The following AKAP13 variants were observed in gnomAD, a reference collection of about 807,000 sequenced individuals.
The protein encoded by AKAP13 is A-kinase anchor protein 13.
In AKAP13, 80 loss-of-function variants were observed where a neutral mutation model predicts 264.5. The observed-to-expected ratio is 0.30, with a 90% CI of 0.25 to 0.36. The LOEUF (loss-of-function observed/expected upper bound fraction) is 0.36, where lower values mean the gene tolerates loss of function less well. AKAP13 is among the 10% of genes least tolerant of loss of function. AKAP13 has a pLI of 1.00. For synonymous variants in AKAP13, 1,380 were observed against 1,250.2 expected (o/e 1.10, Z -2.19); for missense variants, 3,712 against 3,435.2 (o/e 1.08, Z -2.01).
At chr15:85,490,445 T>C (rs2075690111) in intron 2 of AKAP13, among the ~76,000 whole-genome samples, 2 of 152,208 alleles carry the variant, frequency 1.3e-5, no homozygotes, top group African/African-American at 4.8e-5. Context: ...GGTTTTGAAG[T>C]GAAATCGTTT....
intron 14 of AKAP13, chr15:85,670,857 A>G (rs940029008): frequency 1.3e-5 from 2 of 152,192 alleles, no homozygotes; most frequent in African/African-American, 4.8e-5. Flanking sequence ...TAGAGATGTC[A>G]TGGCATCCAT....
intron 8 of AKAP13, among the ~76,000 whole-genome samples, chr15:85,613,694 AT>A (rs1334539609): frequency 2.7e-4 from 26 of 97,870 alleles, no homozygotes; most frequent in East Asian, 2.6e-3. Flanking sequence ...AAAAAAAAAT[AT>A]ATATATATAT....
intron 1 of AKAP13, among the ~76,000 whole-genome samples, chr15:85,392,063 G>A (rs1485486245): frequency 6.6e-6 from 1 of 151,252 alleles, no homozygotes; most frequent in African/African-American, 2.4e-5. Flanking sequence ...GATTACAGGC[G>A]TGAGTCACCA....
At chr15:85,606,270 T>C (rs904420953) in intron 8 of AKAP13, among the ~76,000 whole-genome samples, 2 of 151,748 alleles carry the variant, frequency 1.3e-5, no homozygotes, top group African/African-American at 4.8e-5. Flanking sequence ...CCCAGCTGAT[T>C]TTTGTATTTT....
chr15:85,442,550 ATTTATT>A (rs2073745571), intron 1 of AKAP13, among the ~76,000 whole-genome samples: 1 of 129,802 alleles, frequency 7.7e-6, no homozygotes, highest in African/African-American at 3.0e-5. Flanking sequence ...TTATATATAT[ATTTATT>A]TCTAGCATGA....
At chr15:85,491,952 C>T (rs1237343559) in intron 2 of AKAP13, among the ~76,000 whole-genome samples, 3 of 152,186 alleles carry the variant, frequency 2.0e-5, no homozygotes, top group East Asian at 3.8e-4. Flanking sequence ...TTTCGTCATA[C>T]ATAAGGAAAC....
intron 1 of AKAP13, among the ~76,000 whole-genome samples, chr15:85,389,546 G>A (rs1422714344): frequency 6.6e-6 from 1 of 152,240 alleles, no homozygotes; most frequent in Admixed American, 6.5e-5. Flanking sequence ...GTTAGCAGCT[G>A]AAGTCCTTTG....
At chr15:85,726,588 A>T in intron 27 of AKAP13, 102 bp downstream of exon 27, 1 of 988,830 alleles carries the variant, frequency 1.0e-6, no homozygotes, top group South Asian at 1.6e-5. Context: ...TTAAAATTAA[A>T]TGGCTCAGGA....
At chr15:85,734,947 C>T (rs2088331333) in intron 30 of AKAP13, 45 bp from the exon 31 acceptor site, 2 of 1,597,962 alleles carry the variant, frequency 1.3e-6, no homozygotes, top group East Asian at 2.2e-5. Flanking sequence ...GTTTTCCCCT[C>T]ATTGAAAGAT....
At chr15:85,655,053 G>A (rs1335146369) in intron 10 of AKAP13, among the ~76,000 whole-genome samples, 3 of 152,028 alleles carry the variant, frequency 2.0e-5, no homozygotes, top group Non-Finnish European at 2.9e-5. Flanking sequence ...TTAGCCAGGC[G>A]TAGTGGTGCA....
At chr15:85,440,480 C>CA (rs1199028717) in intron 1 of AKAP13, among the ~76,000 whole-genome samples, 2 of 152,122 alleles carry the variant, frequency 1.3e-5, no homozygotes, top group Non-Finnish European at 1.5e-5. Context: ...AGAGCTGATG[C>CA]AAAATCTTAA....
Position 85,579,628 on chromosome 15 carries a change from C to G in AKAP13, c.1560C>G (p.Asp520Glu). Residue 520 changes from aspartate (D) to glutamate (E), a missense_variant, in exon 7 of 37, where the codon GAC becomes GAG. Around this residue, in one of 3 missense-constraint regions of AKAP13, gnomAD observed 2,759 missense variants for 2,411.7 expected, o/e 1.14. Transcript: ENST00000394518. Reference sequence around the variant, plus strand: ...ATATTGGCACAGCTGGAGCCTCTGACGTGCACGTCACAAGTAAGCCTGTGG... The same window carrying G: ...ATATTGGCACAGCTGGAGCCTCTGAGGTGCACGTCACAAGTAAGCCTGTGG... ...NSNIGTAGAS[D>E]VHVTSKPVDK... 1 of 1,614,182 alleles carries G rather than the reference C, an allele frequency of 6.2e-7. No individual in the cohort carries two copies. The highest frequency in any genetic ancestry group is 8.5e-7 in the Non-Finnish European group (1 of 1,180,034).
At chr15:85,562,939 C>T (rs1420625060) in intron 5 of AKAP13, among the ~76,000 whole-genome samples, 1 of 150,600 alleles carries the variant, frequency 6.6e-6, no homozygotes, top group Non-Finnish European at 1.5e-5. Flanking sequence ...GTCTCAAACT[C>T]CTGACCTCAG....
At chr15:85,558,407 A>T (rs1321628462) in intron 5 of AKAP13, among the ~76,000 whole-genome samples, 1 of 152,222 alleles carries the variant, frequency 6.6e-6, no homozygotes, top group Non-Finnish European at 1.5e-5. Context: ...GCTATATAAA[A>T]ATACGCAAGG....
intron 16 of AKAP13, among the ~76,000 whole-genome samples, chr15:85,690,668 G>C (rs1310296366): frequency 6.6e-6 from 1 of 152,198 alleles, no homozygotes; most frequent in African/African-American, 2.4e-5. Context: ...TACAGTGGTT[G>C]GGTTCTGAAC....
At chr15:85,699,571 T>A (rs372995313) in intron 17 of AKAP13, among the ~76,000 whole-genome samples, 1 of 152,210 alleles carries the variant, frequency 6.6e-6, no homozygotes, top group East Asian at 1.9e-4. Flanking sequence ...TCTTTTAGAT[T>A]GTTTGAATTT....
intron 1 of AKAP13, among the ~76,000 whole-genome samples, chr15:85,478,653 T>A (rs1015015006): frequency 6.6e-6 from 1 of 152,192 alleles, no homozygotes; most frequent in Non-Finnish European, 1.5e-5. Context: ...AATGTTACCC[T>A]GTGTTAGACT....
At position 85,546,378 on chromosome 15, in the gene AKAP13, C is replaced by T. The variant is rs1295639298; in HGVS notation, c.662+2423C>T. On this transcript the variant is annotated intron_variant, in intron 5 of 36. Transcript: ENST00000394518. ...CACACACAGCCAAAAGTGTAAACAA[C>T]CTAGATGTCCATCACAGATAAATGG... is the stretch of plus-strand genomic sequence containing the variant. 6.4e-5 allele frequency among the ~76,000 whole-genome samples: 9 copies of T among 141,170 alleles called. No individual in the cohort carries two copies. The East Asian group carries it at 1.8e-3, about 28-fold the overall frequency. The allele number at this position is 141,170 out of a possible 152,430, so 92.6% of individuals were successfully genotyped here.
chr15:85,717,261 G>A (rs976310830), intron 20 of AKAP13, 29 bp from the exon 21 acceptor site: 2 of 1,413,646 alleles, frequency 1.4e-6, no homozygotes, highest in African/African-American at 2.9e-5. Context: ...GAATGTATTT[G>A]ACAGTATGTA....
Sources: gnomAD v4.1 joint callset for allele counts (sites outside exome capture counted in the v4.1 genomes callset) on GRCh38, gnomAD v4.1.1 for gene constraint, gnomAD v4.1.1 regional missense constraint, MANE v1.5 for transcripts, NCBI Gene and HGNC (gene_info 2026-07-23, HGNC 2026-07-21) for gene names.